MSI1: variants seen among roughly 807,000 people sequenced by gnomAD.
MSI1 encodes the protein RNA-binding protein Musashi homolog 1.
Under a neutral mutation model 54.4 loss-of-function variants are expected in MSI1, and 15 were observed. That is an observed-to-expected ratio of 0.28 (90% CI 0.18 to 0.42). The LOEUF is 0.42. MSI1 is among the 20% of genes least tolerant of loss of function. The pLI, the probability that MSI1 is intolerant of heterozygous loss-of-function variation, is 1.00. For synonymous variants in MSI1, 200 were observed against 196.5 expected (o/e 1.02, Z -0.15); for missense variants, 304 against 506.0 (o/e 0.60, Z 3.83).
In MSI1 at chr12:120,356,620, C is replaced by G. The variant is rs80270665; in HGVS notation, c.652+282G>C. ...ATGGATGAATGGATAGAGGAATGGACAGATGGAGGGATGGATGGACGAGAG... is the reference window on the plus strand; with the variant it reads ...ATGGATGAATGGATAGAGGAATGGAGAGATGGAGGGATGGATGGACGAGAG... On this transcript the variant is annotated intron_variant, in intron 9 of 14. Coordinates refer to ENST00000257552, the MANE Select transcript of MSI1 (RefSeq NM_002442.4). 7.1e-3 allele frequency among the ~76,000 whole-genome samples: 1,080 copies of G among 152,320 alleles called. 9 individuals are homozygous for G. Among genetic ancestry groups the G allele is most frequent in the African/African-American group, 0.024 (988 of 41,574 alleles).
chr12:120,368,381 G>C lies in MSI1; in HGVS notation c.101-108C>G. ...AGCGGCCCGGCCGCCCCCGCGCCAA[G>C]CTGCCCGCGCGTTCTCCACTGCCGC... On this transcript the variant is annotated intron_variant, in intron 2 of 14. Transcript: ENST00000257552. The surrounding 1 kb of genome is among the most constrained non-coding windows in gnomAD (Gnocchi z 6.6). 8.3e-7 allele frequency: 1 copy of C among 1,198,594 alleles called. No individual in the cohort carries two copies. The highest frequency in any genetic ancestry group is 1.1e-6 in the Non-Finnish European group (1 of 885,860). 74.2% of individuals were successfully genotyped at this position (1,198,594 alleles called of 1,614,324 possible). A position where few individuals can be genotyped will look rare whatever the true frequency, so the allele number is the denominator to read the frequency against.
At chr12:120,364,892 G>A in intron 4 of MSI1, 137 bp from the exon 5 acceptor site, 2 of 654,824 alleles carry the variant, frequency 3.1e-6, no homozygotes, top group Non-Finnish European at 5.1e-6. Flanking sequence ...TCTAGGAGGA[G>A]AGAATAGTGG....
intron 4 of MSI1, among the ~76,000 whole-genome samples, chr12:120,365,232 C>T (rs924698315): frequency 6.6e-6 from 1 of 152,172 alleles, no homozygotes; most frequent in African/African-American, 2.4e-5. Context: ...TAGACCCTAA[C>T]GTCCCACTGC....
chr12:120,343,463 A>G (rs1480832399), intron 14 of MSI1, among the ~76,000 whole-genome samples: 2 of 152,120 alleles, frequency 1.3e-5, no homozygotes, highest in Admixed American at 1.3e-4. Flanking sequence ...TCCTCAAGCC[A>G]TCCTCCTGCC....
chr12:120,367,933 TG>T, intron 4 of MSI1, 74 bp downstream of exon 4: 1 of 1,433,364 alleles, frequency 7.0e-7, no homozygotes, highest in Non-Finnish European at 9.6e-7. Flanking sequence ...AGCTGTCCCC[TG>T]GGGAGAGTCC....
intron 10 of MSI1, 39 bp from the exon 11 acceptor site, chr12:120,351,439 G>A (rs1230311626): frequency 2.5e-6 from 4 of 1,601,280 alleles, no homozygotes; most frequent in South Asian, 2.2e-5. Flanking sequence ...AGAAGCAGGG[G>A]AGGCCCCTTG....
intron 14 of MSI1, among the ~76,000 whole-genome samples, chr12:120,344,553 TA>T (rs1321382508): frequency 6.6e-6 from 1 of 151,510 alleles, no homozygotes; most frequent in Non-Finnish European, 1.5e-5. Flanking sequence ...AAAAATTTTT[TA>T]AAAACTTAGC....
chr12:120,341,325 C>A (rs1321639513), downstream of MSI1: 1 of 152,254 alleles, frequency 6.6e-6, no homozygotes, highest in Non-Finnish European at 1.5e-5. Context: ...ATTCACAAGC[C>A]CAGCAACGTT....
chr12:120,353,002 G>A (rs1000173275), intron 10 of MSI1, among the ~76,000 whole-genome samples: 4 of 152,124 alleles, frequency 2.6e-5, no homozygotes, highest in Non-Finnish European at 5.9e-5. Flanking sequence ...CCTCTCTGGT[G>A]GAAGTGGCAA....
intron 14 of MSI1, among the ~76,000 whole-genome samples, chr12:120,344,109 G>T (rs1367710342): frequency 6.6e-6 from 1 of 152,156 alleles, no homozygotes; most frequent in African/African-American, 2.4e-5. Context: ...GCCTGCCTTG[G>T]CCCCGCAAAG....
chr12:120,366,616 C>T (rs1037401451), intron 4 of MSI1, among the ~76,000 whole-genome samples: 2 of 152,166 alleles, frequency 1.3e-5, no homozygotes, highest in Non-Finnish European at 2.9e-5. Context: ...TGACTCACAG[C>T]TGGCAACATA....
chr12:120,351,444 C>T (rs1270794853), intron 10 of MSI1, 44 bp from the exon 11 acceptor site: 5 of 1,592,098 alleles, frequency 3.1e-6, no homozygotes, highest in East Asian at 2.2e-5. Context: ...CAGGGGAGGC[C>T]CCTTGGACAT....
chr12:120,358,922 C>T (rs577657284), intron 7 of MSI1, 83 bp downstream of exon 7: 129 of 1,456,830 alleles, frequency 8.9e-5, no homozygotes, highest in Non-Finnish European at 1.1e-4. Context: ...TGTCAGAAGG[C>T]GAGATGAAAG....
At position 120,341,784 on chromosome 12, in the gene MSI1, T is replaced by G. The variant is rs1467533367; in HGVS notation, c.*1343A>C. On this transcript the variant is annotated 3_prime_UTR_variant, in exon 15 of 15. Transcript: ENST00000257552. ...ACTCTCCAAAGGTGGGGTTTCCGGG[T>G]GGGGGCAATGCTGGGGAAGAGAGCT... 1 of 135,428 alleles carries G rather than the reference T, an allele frequency of 7.4e-6. No individual in the cohort carries two copies. The highest frequency in any genetic ancestry group is 7.7e-5 in the Admixed American group (1 of 13,052). 8.4% of individuals were successfully genotyped at this position (135,428 alleles called of 1,614,324 possible).
At chr12:120,367,874 G>A in intron 4 of MSI1, 134 bp downstream of exon 4, 1 of 836,704 alleles carries the variant, frequency 1.2e-6, no homozygotes, top group Non-Finnish European at 1.8e-6. Flanking sequence ...TCAGAGCATG[G>A]CAGCCCTCTT....
chr12:120,358,736 G>A (rs533656161), intron 7 of MSI1, among the ~76,000 whole-genome samples: 1 of 133,832 alleles, frequency 7.5e-6, no homozygotes, highest in Admixed American at 8.2e-5. Flanking sequence ...GGCAGAGGCA[G>A]ACACCACTAG....
At chr12:120,347,943 A>G (rs899556883) in intron 11 of MSI1, among the ~76,000 whole-genome samples, 4 of 152,058 alleles carry the variant, frequency 2.6e-5, no homozygotes, top group Non-Finnish European at 4.4e-5. Flanking sequence ...AGCCCACGAC[A>G]CCTGGCGATA....
chr12:120,353,421 G>T lies in MSI1; in HGVS notation c.653-42C>A, dbSNP rs1393307113. The T allele has an allele frequency of 1.9e-6, 3 of 1,577,702 alleles. No homozygotes were observed. The African/African-American group carries it at 4.0e-5, about 21-fold the overall frequency. ...GCAGTGTCAGATGGCTCATCCACAG[G>T]GCGGATCCTGATCATGGAGAAGGAC... On this transcript the variant is annotated intron_variant, in intron 9 of 14. Transcript: ENST00000257552.
intron 10 of MSI1, among the ~76,000 whole-genome samples, chr12:120,351,736 T>G (rs1592931201): frequency 2.1e-5 from 3 of 144,166 alleles, no homozygotes; most frequent in Admixed American, 7.1e-5. Flanking sequence ...TGAAATGGAG[T>G]CTCGCTCTGT....
Sources: gnomAD v4.1 joint callset for allele counts (sites outside exome capture counted in the v4.1 genomes callset) on GRCh38, gnomAD v4.1.1 for gene constraint, Gnocchi (gnomAD v3.1) non-coding constraint, MANE v1.5 for transcripts, NCBI Gene and HGNC (gene_info 2026-07-23, HGNC 2026-07-21) for gene names.